The following CFAP74 variants were observed in gnomAD, a reference collection of about 807,000 sequenced individuals.
CFAP74 encodes cilia- and flagella-associated protein 74.
A neutral mutation model predicts 188.9 loss-of-function variants in CFAP74; 124 were observed. That is an observed-to-expected ratio of 0.66 (90% confidence interval 0.57 to 0.76). CFAP74 has a LOEUF of 0.76. CFAP74 is among the 30% of genes least tolerant of loss of function. The probability of loss-of-function intolerance (pLI) is 0.00; values close to 1 mark genes in which losing one functional copy is unlikely to be tolerated. For synonymous variants in CFAP74, 956 were observed against 916.7 expected (o/e 1.04, Z -0.77); for missense variants, 2,198 against 2,165.2 (o/e 1.02, Z -0.30).
chr1:2,001,242 AGGCCAAGCCTGGGAGTGAT>A (rs1658188212), intron 1 of CFAP74, among the ~76,000 whole-genome samples: 1 of 152,190 alleles, frequency 6.6e-6, no homozygotes, highest in Non-Finnish European at 1.5e-5. Flanking sequence ...AGAGCCTCCC[AGGCCAAGCCTGGGAGTGAT>A]GACATATTTG....
At chr1:1,929,558 G>A (rs60609500) in intron 26 of CFAP74, among the ~76,000 whole-genome samples, 21,681 of 151,326 alleles carry the variant, frequency 0.14, 2,834 homozygotes, top group African/African-American at 0.34. Context: ...GAAATCCCAT[G>A]TGAGCCAACT....
At chr1:1,983,146 A>T (rs772695873) in intron 6 of CFAP74, among the ~76,000 whole-genome samples, 8 of 152,162 alleles carry the variant, frequency 5.3e-5, no homozygotes, top group Admixed American at 6.5e-5. Context: ...CGGAGGGGGA[A>T]CGCTCCCCTA....
Position 1,944,576 on chromosome 1 carries a change from C to T in CFAP74, c.2365-124G>A, listed in dbSNP as rs115823318. The stretch of plus-strand genomic sequence containing the variant: ...GCTTGAGTTTTCTAACTCTTTGGGA[C>T]GGCTGTGGCACTTTTCATATCATAT... On this transcript the variant is annotated intron_variant, in intron 20 of 38. Coordinates refer to ENST00000682832, the MANE Select transcript of CFAP74 (RefSeq NM_001304360.2). 2.8e-3 allele frequency: 2,703 copies of T among 954,694 alleles called. 46 individuals carry two copies. In the African/African-American group the frequency reaches 0.037, roughly 13 times the overall value. The allele number at this position is 954,694 out of a possible 1,614,324, so 59.1% of individuals were successfully genotyped here.
At chr1:1,987,135 C>T in intron 4 of CFAP74, 100 bp from the exon 5 acceptor site, 1 of 859,300 alleles carries the variant, frequency 1.2e-6, no homozygotes, top group Non-Finnish European at 1.8e-6. Flanking sequence ...CAGAGCCAGA[C>T]CCCCAGAGCC....
In CFAP74 at chr1:1,955,703, C is replaced by T. The variant is rs747357991; in HGVS notation, c.2164G>A (p.Glu722Lys). 1.9e-6 allele frequency: 3 copies of T among 1,613,318 alleles called. No homozygotes were observed. Among genetic ancestry groups the T allele is most frequent in the Non-Finnish European group, 2.5e-6 (3 of 1,179,436 alleles). ...CAGCCTGGCTCACCTGCGGGCTGCT[C>T]CTCCTCCTGCTCCTTGTCCAGCTTC... ...LEKLDKEQEE[E>K]QPAEPERLTT... is the part of the protein sequence containing the mutation. The change falls in exon 18 of 39, where the codon GAG (glutamate) becomes AAG (lysine). Residue 722 changes from glutamate (E) to lysine (K), a missense_variant. Physicochemically the swap from Glu to Lys is moderately conservative, Grantham distance 56. Coordinates refer to ENST00000682832, the MANE Select transcript of CFAP74 (RefSeq NM_001304360.2).
At chr1:1,928,972 G>A in intron 26 of CFAP74, 90 bp from the exon 27 acceptor site, 2 of 832,464 alleles carry the variant, frequency 2.4e-6, no homozygotes, top group Non-Finnish European at 3.8e-6. Context: ...TCTGCCCGTG[G>A]ACTCCCCTCA....
chr1:1,927,844 G>A, intron 27 of CFAP74, 98 bp from the exon 28 acceptor site: 1 of 1,377,784 alleles, frequency 7.3e-7, no homozygotes, highest in Admixed American at 2.6e-5. Context: ...AACCGCGGGA[G>A]CCGCAGTTGG....
rs931868106 is a variant in CFAP74, at chr1:1,927,499, A to T, written c.3527+108T>A. 12 of 1,094,184 alleles carry T rather than the reference A, an allele frequency of 1.1e-5. 2 individuals carry two copies. Among genetic ancestry groups the T allele is most frequent in the African/African-American group, 7.9e-5 (5 of 62,974 alleles). 67.8% of individuals were successfully genotyped at this position (1,094,184 alleles called of 1,614,324 possible). On this transcript the variant is annotated intron_variant, in intron 28 of 38. Coordinates refer to ENST00000682832, the MANE Select transcript of CFAP74 (RefSeq NM_001304360.2). ...TGAAGGCATCAGTCCTTCCAGCCAC[A>T]TGGGTCATTCCGGGCAATCTGTAGG...
intron 18 of CFAP74, among the ~76,000 whole-genome samples, chr1:1,950,012 C>T (rs1401311772): frequency 1.3e-5 from 2 of 152,070 alleles, no homozygotes; most frequent in Non-Finnish European, 1.5e-5. Flanking sequence ...TTTAAGTTTT[C>T]GCTTCTCTTG....
At chr1:1,927,845 C>G in intron 27 of CFAP74, 99 bp from the exon 28 acceptor site, 1 of 1,385,496 alleles carries the variant, frequency 7.2e-7, no homozygotes. Flanking sequence ...ACCGCGGGAG[C>G]CGCAGTTGGG....
At chr1:1,981,762 C>T (rs1283664379) in intron 6 of CFAP74, among the ~76,000 whole-genome samples, 6 of 128,632 alleles carry the variant, frequency 4.7e-5, no homozygotes, top group African/African-American at 9.7e-5. Context: ...CGCGGTCACA[C>T]GCGGGGGCAC....
intron 34 of CFAP74, 85 bp from the exon 35 acceptor site, chr1:1,924,014 C>G (rs536563327): frequency 3.7e-6 from 5 of 1,359,982 alleles, no homozygotes; most frequent in Non-Finnish European, 5.0e-6. Flanking sequence ...GAGCTCTACA[C>G]CCTGCCCGCC....
rs541561358 is a variant in CFAP74 at position 1,977,274 on chromosome 1, T to G, written c.501-3076A>C. On this transcript the variant is annotated intron_variant, in intron 6 of 38. Transcript: ENST00000682832. ...CTGGCCTTCAGACCACAGCAGAGGC[T>G]GATTGGGAAAGATTGGGATTTTGAG... 5.9e-5 allele frequency among the ~76,000 whole-genome samples: 9 copies of G among 152,238 alleles called. No individual in the cohort carries two copies. In the South Asian group the frequency reaches 1.9e-3, roughly 32 times the overall value.
intron 6 of CFAP74, among the ~76,000 whole-genome samples, chr1:1,981,426 G>C (rs990944218): frequency 4.0e-5 from 6 of 151,596 alleles, no homozygotes; most frequent in Non-Finnish European, 5.9e-5. Flanking sequence ...GGGCACGCAG[G>C]ACACCCAGCC....
chr1:1,938,102 C>T (rs908762140), intron 25 of CFAP74, among the ~76,000 whole-genome samples: 3 of 145,308 alleles, frequency 2.1e-5, no homozygotes, highest in Admixed American at 1.4e-4. Flanking sequence ...CAACCTTACA[C>T]ACCCACATAC....
chr1:1,956,590 C>T (rs1315401483), intron 17 of CFAP74, 30 bp downstream of exon 17: 2 of 1,613,406 alleles, frequency 1.2e-6, no homozygotes, highest in South Asian at 1.1e-5. Context: ...CAGGTCCCCA[C>T]ACTCCCCCAT....
At chr1:1,992,741 T>G (rs2102112274) in intron 1 of CFAP74, among the ~76,000 whole-genome samples, 1 of 152,100 alleles carries the variant, frequency 6.6e-6, no homozygotes, top group African/African-American at 2.4e-5. Context: ...CCCAAAGTGC[T>G]GGGATTACAG....
intron 18 of CFAP74, chr1:1,955,415 C>T (rs745360847): frequency 1.3e-5 from 19 of 1,452,274 alleles, no homozygotes; most frequent in Non-Finnish European, 1.6e-5. Context: ...CTTCCCCGCC[C>T]TGTGCGGCTC....
chr1:1,956,707 G>T lies in CFAP74; in HGVS notation c.1929C>A (p.Thr643=), dbSNP rs745717670. 4 of 1,614,014 alleles carry T rather than the reference G, an allele frequency of 2.5e-6. No homozygotes were observed. In the East Asian group the frequency reaches 8.9e-5, roughly 36 times the overall value. ...AAGTCGTGCCCAAGCCCCCAACGTT[G>T]GTCAGCGTGATGGTCCGAGACGTGG... The part of the protein sequence containing the change: ...GETTSRTITL[T]NVGGLGTTFK... Residue 643 remains threonine (T), a synonymous_variant, in exon 17 of 39, where the codon ACC becomes ACA. Transcript: ENST00000682832.
Sources: gnomAD v4.1 joint callset for allele counts (sites outside exome capture counted in the v4.1 genomes callset) on GRCh38, gnomAD v4.1.1 for gene constraint, MANE v1.5 for transcripts, NCBI Gene and HGNC (gene_info 2026-07-23, HGNC 2026-07-21) for gene names.